KLHL23: variants seen among roughly 807,000 people sequenced by gnomAD.
KLHL23 encodes kelch like family member 23.
Under a neutral mutation model 48.9 loss-of-function variants are expected in KLHL23, and 33 were observed. The ratio of observed to expected loss-of-function variants is 0.67; its 90% CI spans 0.51 to 0.90. The LOEUF (loss-of-function observed/expected upper bound fraction) is 0.90, where lower values mean the gene tolerates loss of function less well. Among genes scored for constraint, KLHL23 ranks in the 40% least tolerant of loss-of-function variants. The pLI is 0.00. For synonymous variants in KLHL23, 234 were observed against 231.6 expected (o/e 1.01, Z -0.09); for missense variants, 608 against 669.6 (o/e 0.91, Z 1.02).
At chr2:169,742,748 T>C (rs1688705921) in intron 3 of KLHL23, among the ~76,000 whole-genome samples, 1 of 152,198 alleles carries the variant, frequency 6.6e-6, no homozygotes, top group Non-Finnish European at 1.5e-5. Flanking sequence ...ATGGAATGGG[T>C]AAACTTCTCC....
chr2:169,743,830 C>T (rs1688730889), intron 3 of KLHL23, among the ~76,000 whole-genome samples: 2 of 152,166 alleles, frequency 1.3e-5, no homozygotes, highest in South Asian at 2.1e-4. Flanking sequence ...AATCCTTAAG[C>T]TCTTGAAGGC....
In KLHL23 at chr2:169,749,686, C is replaced by T. The variant is rs1392977082; in HGVS notation, c.1631C>T (p.Pro544Leu). The change falls in exon 4 of 4, where the codon CCC becomes CTC. Residue 544 changes from proline to leucine, a missense_variant. Physicochemically the swap from Pro to Leu is moderately conservative, Grantham distance 98. This residue lies in a region of KLHL23 where 179 missense variants were observed against 169.9 expected (regional missense o/e 1.05). Coordinates refer to ENST00000392647, the MANE Select transcript of KLHL23 (RefSeq NM_144711.6). ...LNKWEIVGNLPSAMRSHGCVC... is the reference protein window; with the variant it reads ...LNKWEIVGNLLSAMRSHGCVC... The stretch of plus-strand genomic sequence containing the variant: ...AAGTGGGAAATAGTGGGTAATCTTC[C>T]CAGTGCCATGCGGTCTCATGGGTGT... 4 of 1,613,090 alleles carry T rather than the reference C, an allele frequency of 2.5e-6. No individual in the cohort carries two copies. In the East Asian group the frequency reaches 6.7e-5, roughly 27 times the overall value.
At chr2:169,741,651 G>T (rs1574524911) in intron 3 of KLHL23, 114 bp downstream of exon 3, 2 of 1,286,800 alleles carry the variant, frequency 1.6e-6, no homozygotes. Flanking sequence ...GACTACACAT[G>T]GGTAGAATTA....
chr2:169,745,049 A>G (rs1377728072), intron 3 of KLHL23, among the ~76,000 whole-genome samples: 1 of 150,424 alleles, frequency 6.6e-6, no homozygotes, highest in South Asian at 2.1e-4. Flanking sequence ...GGTAGCTGGG[A>G]TTACAGGCAT....
rs1360964897 is a variant in KLHL23, at chr2:169,749,574, A to G, written c.1519A>G (p.Asn507Asp). 1 of 1,614,082 alleles carries G rather than the reference A, an allele frequency of 6.2e-7. No homozygotes were observed. Among genetic ancestry groups the G allele is most frequent in the African/African-American group, 1.3e-5 (1 of 74,986 alleles). ...RRMECGAVIM[N>D]GCIYVTGGYS... ...GATGGAGTGCGGTGCCGTCATCATGAATGGATGTATTTATGTCACTGGAGG... is the reference window on the plus strand; with the variant it reads ...GATGGAGTGCGGTGCCGTCATCATGGATGGATGTATTTATGTCACTGGAGG... The change falls in exon 4 of 4, where the codon AAT (asparagine) becomes GAT (aspartate). Residue 507 changes from asparagine (N) to aspartate (D), a missense_variant. Around this residue, in one of 3 missense-constraint regions of KLHL23, gnomAD observed 179 missense variants for 169.9 expected, o/e 1.05. Coordinates refer to ENST00000392647, the MANE Select transcript of KLHL23 (RefSeq NM_144711.6).
chr2:169,734,339 G>A (rs1457529396), intron 1 of KLHL23, among the ~76,000 whole-genome samples: 2 of 148,004 alleles, frequency 1.4e-5, no homozygotes, highest in Non-Finnish European at 3.0e-5. Flanking sequence ...GCCCGCGGGC[G>A]GCACGCGGCG....
chr2:169,747,643 G>A (rs142536574), intron 3 of KLHL23, among the ~76,000 whole-genome samples: 1 of 151,884 alleles, frequency 6.6e-6, no homozygotes, highest in Non-Finnish European at 1.5e-5. Flanking sequence ...CTAAAGAGGG[G>A]CTTGCTTATA....
rs1688931330 is a variant in KLHL23, at chr2:169,750,096, G to GTGTGTATATACGTTTGTA, written c.*367_*368insGTATATACGTTTGTATGT. On this transcript the variant is annotated 3_prime_UTR_variant, in exon 4 of 4. Coordinates refer to ENST00000392647, the MANE Select transcript of KLHL23 (RefSeq NM_144711.6). ...TATACGTATGTATGTATACATATAT[G>GTGTGTATATACGTTTGTA]TGTATACATATATATGTGTGTATAT... The GTGTGTATATACGTTTGTA allele has an allele frequency of 3.9e-5, 4 of 103,718 alleles. 2 individuals are homozygous for GTGTGTATATACGTTTGTA. Among genetic ancestry groups the GTGTGTATATACGTTTGTA allele is most frequent in the African/African-American group, 1.4e-4 (4 of 29,012 alleles). The allele number at this position is 103,718 out of a possible 1,614,324, so 6.4% of individuals were successfully genotyped here.
intron 2 of KLHL23, among the ~76,000 whole-genome samples, chr2:169,740,402 A>G (rs1198441061): frequency 6.6e-6 from 1 of 151,896 alleles, no homozygotes; most frequent in Admixed American, 6.6e-5. Flanking sequence ...GCATTACTGT[A>G]GACTTTATAT....
At chr2:169,748,617 C>G (rs1031004900) in intron 3 of KLHL23, among the ~76,000 whole-genome samples, 1 of 152,074 alleles carries the variant, frequency 6.6e-6, no homozygotes, top group Non-Finnish European at 1.5e-5. Flanking sequence ...GCATTTTGCA[C>G]CCTAAGCACT....
At chr2:169,748,814 G>A (rs981845255) in intron 3 of KLHL23, among the ~76,000 whole-genome samples, 7 of 134,386 alleles carry the variant, frequency 5.2e-5, no homozygotes, top group Non-Finnish European at 6.5e-5. Flanking sequence ...CCCAGGACCC[G>A]GATCCCACAC....
chr2:169,744,748 G>A (rs762050331), intron 3 of KLHL23, among the ~76,000 whole-genome samples: 5 of 151,950 alleles, frequency 3.3e-5, no homozygotes, highest in Non-Finnish European at 7.4e-5. Context: ...TAGTAGAGAT[G>A]GGGTTTCACC....
chr2:169,737,989 T>TA (rs1326510390), intron 2 of KLHL23, among the ~76,000 whole-genome samples: 1 of 152,250 alleles, frequency 6.6e-6, no homozygotes, highest in Non-Finnish European at 1.5e-5. Context: ...TGAAAAAAGA[T>TA]ATGCTGCGAT....
At chr2:169,741,134 AT>A in intron 2 of KLHL23, 1 of 335,856 alleles carries the variant, frequency 3.0e-6, no homozygotes, top group Non-Finnish European at 5.4e-6. Context: ...GTGATAGGAC[AT>A]TTTCCACTCC....
At chr2:169,741,261 ACTTAGCACAGTAC>A in intron 2 of KLHL23, 111 bp from the exon 3 acceptor site, 1 of 1,309,662 alleles carries the variant, frequency 7.6e-7, no homozygotes, top group Non-Finnish European at 1.0e-6. Context: ...CCCTTATAGC[ACTTAGCACAGTAC>A]CTTGCATTTT....
chr2:169,735,443 C>T lies in KLHL23; in HGVS notation c.429C>T (p.His143=), dbSNP rs1688486235. The T allele has an allele frequency of 6.2e-7, 1 of 1,614,002 alleles. No individual in the cohort carries two copies. Among genetic ancestry groups the T allele is most frequent in the Non-Finnish European group, 8.5e-7 (1 of 1,180,026 alleles). The change falls in exon 2 of 4, where the codon CAC becomes CAT. Residue 143 remains histidine, a synonymous_variant. Coordinates refer to ENST00000392647, the MANE Select transcript of KLHL23 (RefSeq NM_144711.6). The surrounding 1 kb of genome is among the most constrained non-coding windows in gnomAD (Gnocchi z 4.5). ...HLDIDNCIGM[H]SFAEFHVCPE... is the part of the protein sequence containing the mutation. ...ATATTGATAATTGTATTGGAATGCA[C>T]TCCTTTGCAGAATTTCATGTGTGTC...
Position 169,741,645 on chromosome 2 carries a change from A to G in KLHL23, c.1366+108A>G, listed in dbSNP as rs1688678306. On this transcript the variant is annotated intron_variant, in intron 3 of 3. Coordinates refer to ENST00000392647, the MANE Select transcript of KLHL23 (RefSeq NM_144711.6). The stretch of plus-strand genomic sequence containing the variant: ...GAAAATGCTGATTTTATTGTAGACT[A>G]CACATGGGTAGAATTAAAAGTCTCA... 1.4e-5 allele frequency: 19 copies of G among 1,316,306 alleles called. No homozygotes were observed. In the South Asian group the frequency reaches 3.2e-4, roughly 22 times the overall value. 81.5% of individuals were successfully genotyped at this position (1,316,306 alleles called of 1,614,324 possible).
At chr2:169,746,615 A>C (rs1402329743) in intron 3 of KLHL23, among the ~76,000 whole-genome samples, 1 of 152,216 alleles carries the variant, frequency 6.6e-6, no homozygotes, top group Non-Finnish European at 1.5e-5. Context: ...ACAAGAAAAA[A>C]CGCAATTACA....
chr2:169,740,147 C>T (rs2105647671), intron 2 of KLHL23, among the ~76,000 whole-genome samples: 1 of 152,260 alleles, frequency 6.6e-6, no homozygotes, highest in South Asian at 2.1e-4. Flanking sequence ...GGGTCTTGCT[C>T]TGACACGTAC....
Sources: allele counts gnomAD v4.1 joint callset (sites outside exome capture counted in the v4.1 genomes callset), GRCh38; gene constraint gnomAD v4.1.1; regional missense constraint gnomAD v4.1.1; non-coding constraint Gnocchi (gnomAD v3.1); transcripts MANE v1.5; gene names NCBI Gene and HGNC (gene_info 2026-07-23, HGNC 2026-07-21).